MARCHF1: variants seen among roughly 807,000 people sequenced by gnomAD.
The protein encoded by MARCHF1 is membrane associated ring-CH-type finger 1.
A neutral mutation model predicts 54.2 loss-of-function variants in MARCHF1; 40 were observed. That is an observed-to-expected ratio of 0.74 (90% confidence interval 0.57 to 0.96). The LOEUF (loss-of-function observed/expected upper bound fraction) is 0.96, where lower values mean the gene tolerates loss of function less well. Among genes scored for constraint, MARCHF1 ranks in the 40% least tolerant of loss-of-function variants. The pLI, the probability that MARCHF1 is intolerant of heterozygous loss-of-function variation, is 0.00. For synonymous variants in MARCHF1, 236 were observed against 236.3 expected (o/e 1.00, Z 0.01); for missense variants, 586 against 656.5 (o/e 0.89, Z 1.17).
chr4:164,259,544 C>CAAAAAAAAAA (rs141030578), intron 1 of MARCHF1, among the ~76,000 whole-genome samples: 3 of 58,956 alleles, frequency 5.1e-5, no homozygotes, highest in African/African-American at 1.1e-4. Flanking sequence ...GACCGTGTCT[C>CAAAAAAAAAA]AAAAAAAAAA....
At chr4:163,872,385 G>A (rs766754178) in intron 3 of MARCHF1, among the ~76,000 whole-genome samples, 1 of 152,202 alleles carries the variant, frequency 6.6e-6, no homozygotes, top group Non-Finnish European at 1.5e-5. Flanking sequence ...ACCCACAAAA[G>A]AAGATGAAAG....
intron 1 of MARCHF1, among the ~76,000 whole-genome samples, chr4:164,136,071 A>G (rs1350291926): frequency 6.6e-6 from 1 of 151,856 alleles, no homozygotes; most frequent in African/African-American, 2.4e-5. Context: ...TCAATGATCA[A>G]ATTTCCATTT....
rs1561047100 is a variant in MARCHF1 at position 163,733,225 on chromosome 4, G to GTATATATATATACATATATACACA, written c.112-32363_112-32362insTGTGTATATATGTATATATATATA. Among the ~76,000 whole-genome samples, 2 of 13,020 alleles carry GTATATATATATACATATATACACA rather than the reference G, an allele frequency of 1.5e-4. 1 individual carries two copies. Among genetic ancestry groups the GTATATATATATACATATATACACA allele is most frequent in the African/African-American group, 3.9e-4 (2 of 5,098 alleles). The allele number at this position is 13,020 out of a possible 152,430, so 8.5% of individuals were successfully genotyped here. On this transcript the variant is annotated intron_variant, in intron 4 of 9. Transcript: ENST00000514618. ...TATATATATATATATATATATACACGTGTATATATATATATACACGTGTAT... is the reference window on the plus strand; with the variant it reads ...TATATATATATATATATATATACACGTATATATATATACATATATACACATGTATATATATATATACACGTGTAT...
chr4:163,649,532 C>G (rs1239645128), intron 5 of MARCHF1, among the ~76,000 whole-genome samples: 1 of 152,066 alleles, frequency 6.6e-6, no homozygotes, highest in African/African-American at 2.4e-5. Flanking sequence ...AATGTAGACT[C>G]TAAGCCTTGC....
chr4:164,177,009 T>TAC (rs760317145), intron 1 of MARCHF1, among the ~76,000 whole-genome samples: 2,160 of 55,328 alleles, frequency 0.039, 371 homozygotes, highest in South Asian at 0.05. Context: ...TATATATATA[T>TAC]ACAAATGATA....
chr4:163,974,250 A>C (rs1366726799), intron 3 of MARCHF1, among the ~76,000 whole-genome samples: 3 of 152,204 alleles, frequency 2.0e-5, no homozygotes, highest in Admixed American at 1.3e-4. Flanking sequence ...CATGACTTCC[A>C]AGACTTGGTC....
At chr4:164,121,547 T>C (rs977443936) in intron 1 of MARCHF1, among the ~76,000 whole-genome samples, 11 of 152,058 alleles carry the variant, frequency 7.2e-5, no homozygotes, top group Admixed American at 2.0e-4. Flanking sequence ...GAGAACAGCA[T>C]GGGGGAATCC....
intron 1 of MARCHF1, among the ~76,000 whole-genome samples, chr4:164,210,607 CATGTT>C (rs1233925488): frequency 6.6e-6 from 1 of 151,952 alleles, no homozygotes; most frequent in Non-Finnish European, 1.5e-5. Flanking sequence ...GATAGTGTTT[CATGTT>C]ATGTTATTAT....
At chr4:163,542,582 G>A (rs773934878) in intron 9 of MARCHF1, among the ~76,000 whole-genome samples, 3 of 152,184 alleles carry the variant, frequency 2.0e-5, no homozygotes, top group African/African-American at 7.2e-5. Context: ...TGCAGTAAAT[G>A]TGGAGAAGCC....
chr4:164,276,889 A>ATG (rs576468312), intron 1 of MARCHF1, among the ~76,000 whole-genome samples: 207 of 146,864 alleles, frequency 1.4e-3, no homozygotes, highest in African/African-American at 4.9e-3. Flanking sequence ...ATATATATAT[A>ATG]TGTAATGGTA....
intron 4 of MARCHF1, among the ~76,000 whole-genome samples, chr4:163,760,354 C>A (rs570443215): frequency 1.3e-5 from 2 of 152,294 alleles, no homozygotes; most frequent in South Asian, 2.1e-4. Context: ...ATTCTATTTG[C>A]AATTTTAATT....
chr4:164,099,468 A>C (rs1265120146), intron 2 of MARCHF1, among the ~76,000 whole-genome samples: 1 of 152,196 alleles, frequency 6.6e-6, no homozygotes, highest in South Asian at 2.1e-4. Context: ...AATAAAAATC[A>C]GTTTGAGATA....
intron 7 of MARCHF1, among the ~76,000 whole-genome samples, chr4:163,586,647 C>T (rs145278844): frequency 3.9e-5 from 6 of 152,306 alleles, no homozygotes; most frequent in Admixed American, 6.5e-5. Context: ...GCACCACTAT[C>T]GTGCTATGTC....
chr4:163,767,860 C>T (rs919453149), intron 4 of MARCHF1, among the ~76,000 whole-genome samples: 3 of 152,138 alleles, frequency 2.0e-5, no homozygotes, highest in African/African-American at 7.2e-5. Flanking sequence ...ATTTTCTGCA[C>T]ATTTATAATT....
intron 5 of MARCHF1, among the ~76,000 whole-genome samples, chr4:163,626,678 C>T (rs1483815429): frequency 6.6e-6 from 1 of 152,076 alleles, no homozygotes; most frequent in Non-Finnish European, 1.5e-5. Flanking sequence ...CCTGTAATCC[C>T]AGCATTTTGG....
At chr4:164,045,321 G>A (rs941783391) in intron 2 of MARCHF1, among the ~76,000 whole-genome samples, 6 of 151,866 alleles carry the variant, frequency 4.0e-5, no homozygotes, top group Non-Finnish European at 8.8e-5. Flanking sequence ...AGATCAGCCT[G>A]GCCAAAATGG....
intron 3 of MARCHF1, among the ~76,000 whole-genome samples, chr4:163,855,170 A>G (rs77327452): frequency 0.014 from 2,117 of 152,248 alleles, 43 homozygotes; most frequent in East Asian, 0.074. Flanking sequence ...AAATGACAAA[A>G]TACTCAAGTT....
At chr4:163,978,719 T>C (rs921216254) in intron 3 of MARCHF1, among the ~76,000 whole-genome samples, 5 of 151,966 alleles carry the variant, frequency 3.3e-5, no homozygotes, top group African/African-American at 1.2e-4. Flanking sequence ...TTACTTCTCT[T>C]TTGTTGTTGT....
At chr4:163,758,039 G>A (rs531981594) in intron 4 of MARCHF1, among the ~76,000 whole-genome samples, 6 of 152,258 alleles carry the variant, frequency 3.9e-5, no homozygotes, top group African/African-American at 1.2e-4. Context: ...TAAAATACCA[G>A]TTATTAAAGC....
Sources: gnomAD v4.1 joint callset for allele counts (sites outside exome capture counted in the v4.1 genomes callset) on GRCh38, gnomAD v4.1.1 for gene constraint, MANE v1.5 for transcripts, NCBI Gene and HGNC (gene_info 2026-07-23, HGNC 2026-07-21) for gene names.